The following CRY2 variants were observed in gnomAD, a reference collection of about 807,000 sequenced individuals.
CRY2 encodes cryptochrome-2.
A neutral mutation model predicts 69.5 loss-of-function variants in CRY2; 31 were observed. The observed-to-expected ratio is 0.45, with a 90% CI of 0.34 to 0.60. The LOEUF (loss-of-function observed/expected upper bound fraction) is 0.60, where lower values mean the gene tolerates loss of function less well. Ranked by LOEUF, CRY2 falls within the 20% of genes least tolerant of loss-of-function variation. CRY2 has a pLI of 0.02. For missense variants in CRY2, 606 were observed against 797.8 expected (o/e 0.76, Z 2.90); for synonymous variants, 303 against 312.2 (o/e 0.97, Z 0.31).
In CRY2 at chr11:45,882,699, C is replaced by G; in HGVS notation, c.*1788C>G. The G allele has an allele frequency of 2.5e-6, 1 of 398,794 alleles. No individual in the cohort carries two copies. The highest frequency in any genetic ancestry group is 4.4e-6 in the Non-Finnish European group (1 of 226,100). The allele number at this position is 398,794 out of a possible 1,614,324, so 24.7% of individuals were successfully genotyped here. A position where few individuals can be genotyped will look rare whatever the true frequency, so the allele number is the denominator to read the frequency against. On this transcript the variant is annotated 3_prime_UTR_variant, in exon 12 of 12. Coordinates refer to ENST00000616080, the MANE Select transcript of CRY2 (RefSeq NM_021117.5). ...GCTTCCCTGTTCCCTCAGCCCCAGT[C>G]GAGAGGAAAGAGAATCGGGCCACTG...
At chr11:45,867,459 C>A (rs373605930) in intron 5 of CRY2, 153 bp from the exon 6 acceptor site, 104 of 871,858 alleles carry the variant, frequency 1.2e-4, no homozygotes, top group Non-Finnish European at 1.7e-4. Context: ...ATGGTGGTTC[C>A]GTCTCAAAAT....
rs781640514 is a variant in CRY2, at chr11:45,855,963, G to C, written c.216-19G>C. 1 of 1,585,324 alleles carries C rather than the reference G, an allele frequency of 6.3e-7. No individual in the cohort carries two copies. Among genetic ancestry groups the C allele is most frequent in the African/African-American group, 1.3e-5 (1 of 74,242 alleles). ...TCTTCATGATGTTATCACTAACAAG[G>C]CCTGTGTGGACTCCACAGGTTCCTA... On this transcript the variant is annotated intron_variant, in intron 1 of 11. Coordinates refer to ENST00000616080, the MANE Select transcript of CRY2 (RefSeq NM_021117.5).
rs186845346 is a variant in CRY2 at position 45,876,921 on chromosome 11, A to T, written c.*3-3993A>T. Among the ~76,000 whole-genome samples the T allele has an allele frequency of 4.5e-3, 687 of 152,132 alleles. 10 individuals carry two copies. The highest frequency in any genetic ancestry group is 0.016 in the African/African-American group (653 of 41,492). On this transcript the variant is annotated intron_variant, in intron 11 of 11. Transcript: ENST00000616080. Reference sequence around the variant, plus strand: ...CCAGACCTGCCAGCATTACACTCAAACTAGTGTCTGTGTCCCAGACCTGCC... The same window carrying T: ...CCAGACCTGCCAGCATTACACTCAATCTAGTGTCTGTGTCCCAGACCTGCC...
chr11:45,848,151 G>A (rs1565054172), intron 1 of CRY2, among the ~76,000 whole-genome samples: 1 of 152,108 alleles, frequency 6.6e-6, no homozygotes, highest in Non-Finnish European at 1.5e-5. Context: ...TGCTGGGCTC[G>A]GGGAGATCAC....
intron 3 of CRY2, 110 bp from the exon 4 acceptor site, chr11:45,860,738 T>G: frequency 8.2e-6 from 10 of 1,214,850 alleles, no homozygotes; most frequent in Non-Finnish European, 1.2e-5. Flanking sequence ...TGTGAGTGGA[T>G]GAGGAAAGCC....
chr11:45,852,065 T>C (rs188474143), intron 1 of CRY2, among the ~76,000 whole-genome samples: 2 of 152,354 alleles, frequency 1.3e-5, no homozygotes, highest in East Asian at 3.9e-4. Flanking sequence ...CCCTGAGTTA[T>C]AGTGTCCTCT....
At chr11:45,874,850 G>A (rs541737406) in intron 11 of CRY2, among the ~76,000 whole-genome samples, 37 of 151,850 alleles carry the variant, frequency 2.4e-4, no homozygotes, top group African/African-American at 8.5e-4. Flanking sequence ...GGCTGAGGCA[G>A]GAGAATCACT....
At chr11:45,856,331 CAT>C in intron 2 of CRY2, 1 of 471,530 alleles carries the variant, frequency 2.1e-6, no homozygotes, top group Non-Finnish European at 3.8e-6. Flanking sequence ...TCAGTCCAGA[CAT>C]AGGATGTGGT....
rs201168726 is a variant in CRY2 at position 45,870,074 on chromosome 11, G to C, written c.1216G>C (p.Asp406His). 1 of 1,608,414 alleles carries C rather than the reference G, an allele frequency of 6.2e-7. No individual in the cohort carries two copies. The highest frequency in any genetic ancestry group is 1.3e-5 in the African/African-American group (1 of 74,950). ...CTAGGTATTTGATGAGCTGCTCCTG[G>C]ATGCAGATTTCAGCGTGAACGCAGG... is the stretch of plus-strand genomic sequence containing the variant. ...GVRVFDELLL[D>H]ADFSVNAGSW... The change falls in exon 8 of 12, where the codon GAT becomes CAT. Residue 406 changes from aspartate (D) to histidine (H), a missense_variant. Asp to His is a moderately conservative substitution (Grantham distance 81). This residue lies in a region of CRY2 where 382 missense variants were observed against 508.9 expected (regional missense o/e 0.75). Coordinates refer to ENST00000616080, the MANE Select transcript of CRY2 (RefSeq NM_021117.5).
At chr11:45,872,496 T>A (rs2134647584) in intron 11 of CRY2, among the ~76,000 whole-genome samples, 1 of 152,174 alleles carries the variant, frequency 6.6e-6, no homozygotes, top group East Asian at 1.9e-4. Flanking sequence ...ATCCCAGCAC[T>A]TTGGGAGGCC....
At chr11:45,861,974 C>T (rs1156770257) in intron 4 of CRY2, 86 bp from the exon 5 acceptor site, 1 of 1,168,228 alleles carries the variant, frequency 8.6e-7, no homozygotes, top group East Asian at 2.6e-5. Context: ...GTTCAATTCT[C>T]ATAAAGTTCA....
At chr11:45,878,480 C>G (rs2134652922) in intron 11 of CRY2, among the ~76,000 whole-genome samples, 1 of 152,250 alleles carries the variant, frequency 6.6e-6, no homozygotes, top group Non-Finnish European at 1.5e-5. Context: ...AGAGAGAGCC[C>G]TGTGTGTGGA....
intron 11 of CRY2, among the ~76,000 whole-genome samples, chr11:45,874,472 A>C (rs1432715245): frequency 6.6e-6 from 1 of 152,150 alleles, no homozygotes; most frequent in African/African-American, 2.4e-5. Flanking sequence ...TCAAAGAGGA[A>C]AGAGAAGGGA....
Position 45,870,174 on chromosome 11 carries a change from G to A in CRY2, c.1316G>A (p.Arg439His), listed in dbSNP as rs767177340. Residue 439 changes from arginine to histidine, a missense_variant, in exon 8 of 12, where the codon CGT becomes CAT. Transcript: ENST00000616080. ...FHCYCPVGFG[R>H]RTDPSGDYIR... ...TGCTACTGCCCTGTGGGCTTTGGCCGTCGCACGGACCCCAGTGGGGACTAC... is the reference window on the plus strand; with the variant it reads ...TGCTACTGCCCTGTGGGCTTTGGCCATCGCACGGACCCCAGTGGGGACTAC... The A allele has an allele frequency of 4.3e-6, 7 of 1,613,112 alleles. No homozygotes were observed. Among genetic ancestry groups the A allele is most frequent in the South Asian group, 2.2e-5 (2 of 91,012 alleles).
intron 11 of CRY2, among the ~76,000 whole-genome samples, chr11:45,875,026 G>T (rs1356464045): frequency 6.6e-6 from 1 of 152,246 alleles, no homozygotes; most frequent in Non-Finnish European, 1.5e-5. Context: ...GGGCACAGAA[G>T]AGGCTGCAGT....
chr11:45,860,909 A>G lies in CRY2; in HGVS notation c.529A>G (p.Ser177Gly), dbSNP rs1353588678. 1 of 1,614,166 alleles carries G rather than the reference A, an allele frequency of 6.2e-7. No individual in the cohort carries two copies. The highest frequency in any genetic ancestry group is 1.1e-5 in the South Asian group (1 of 91,082). The change falls in exon 4 of 12, where the codon AGC (serine) becomes GGC (glycine). Residue 177 changes from serine to glycine, a missense_variant. Physicochemically the swap from Ser to Gly is moderately conservative, Grantham distance 56. This residue lies in a region of CRY2 where 382 missense variants were observed against 508.9 expected (regional missense o/e 0.75). Coordinates refer to ENST00000616080, the MANE Select transcript of CRY2 (RefSeq NM_021117.5). ...ATACAAGCGCTTTCAGGCCATCATCAGCCGCATGGAGCTGCCCAAGAAGCC... is the reference window on the plus strand; with the variant it reads ...ATACAAGCGCTTTCAGGCCATCATCGGCCGCATGGAGCTGCCCAAGAAGCC... ...LTYKRFQAII[S>G]RMELPKKPVG... is the part of the protein sequence containing the mutation.
In CRY2 at chr11:45,870,578, A is replaced by G. The variant is rs376611002; in HGVS notation, c.1549+46A>G. ...CTCACTGAAGGGAAGGACAGCACCTACAGGCTCAGGGGGCCAGATGGGGAT... is the reference window on the plus strand; with the variant it reads ...CTCACTGAAGGGAAGGACAGCACCTGCAGGCTCAGGGGGCCAGATGGGGAT... On this transcript the variant is annotated intron_variant, in intron 9 of 11. Transcript: ENST00000616080. 3.1e-6 allele frequency: 5 copies of G among 1,601,426 alleles called. No individual in the cohort carries two copies. In the South Asian group the frequency reaches 3.3e-5, roughly 11 times the overall value.
chr11:45,860,226 T>A (rs745481623), intron 3 of CRY2, among the ~76,000 whole-genome samples: 1 of 152,076 alleles, frequency 6.6e-6, no homozygotes, highest in Non-Finnish European at 1.5e-5. Flanking sequence ...AAGACTCTCT[T>A]TAAGTATCAG....
intron 6 of CRY2, among the ~76,000 whole-genome samples, chr11:45,868,232 G>C (rs879797936): frequency 1.3e-5 from 2 of 152,204 alleles, no homozygotes; most frequent in Admixed American, 6.5e-5. Context: ...TGCACACAGG[G>C]CTGTGCTATA....
Sources: allele counts gnomAD v4.1 joint callset (sites outside exome capture counted in the v4.1 genomes callset), GRCh38; gene constraint gnomAD v4.1.1; regional missense constraint gnomAD v4.1.1; transcripts MANE v1.5; gene names NCBI Gene and HGNC (gene_info 2026-07-23, HGNC 2026-07-21).